The following EFTUD2 variants were observed in gnomAD, a reference collection of about 807,000 sequenced individuals.
EFTUD2 encodes 116 kDa U5 small nuclear ribonucleoprotein component.
In EFTUD2, 9 loss-of-function variants were observed where a neutral mutation model predicts 114.3. That is an observed-to-expected ratio of 0.08 (90% CI 0.05 to 0.14). The LOEUF is 0.14. Among genes scored for constraint, EFTUD2 ranks in the 10% least tolerant of loss-of-function variants. The pLI is 1.00. For missense variants in EFTUD2, 765 were observed against 1,241.2 expected (o/e 0.62, Z 5.76); for synonymous variants, 449 against 462.3 (o/e 0.97, Z 0.37).
chr17:44,881,789 C>T, intron 6 of EFTUD2, 67 bp from the exon 7 acceptor site: 1 of 1,403,946 alleles, frequency 7.1e-7, no homozygotes, highest in Non-Finnish European at 1.0e-6. Flanking sequence ...AACCATCAAT[C>T]ACTTTCCCTC....
intron 11 of EFTUD2, 135 bp from the exon 12 acceptor site, chr17:44,868,485 CAG>C (rs2050790438): frequency 3.9e-6 from 3 of 769,414 alleles, no homozygotes; most frequent in Non-Finnish European, 6.2e-6. Flanking sequence ...TCCTTCTAAC[CAG>C]AGAGGAAAAC....
At chr17:44,852,316 CCTCACTTAGGG>C in intron 26 of EFTUD2, 82 bp downstream of exon 26, 1 of 1,527,376 alleles carries the variant, frequency 6.5e-7, no homozygotes, top group African/African-American at 1.4e-5. Context: ...ATGCTGTACA[CCTCACTTAGGG>C]CTTGGAGAGG....
At position 44,883,280 on chromosome 17, in the gene EFTUD2, G is replaced by A. The variant is rs1014655409; in HGVS notation, c.427-122C>T. On this transcript the variant is annotated intron_variant, in intron 5 of 27. Coordinates refer to ENST00000426333, the MANE Select transcript of EFTUD2 (RefSeq NM_004247.4). ...GGAGAGAAAAAGGAGAGCAAGGAGG[G>A]TTATGGGACAGCAAATAATTAACAC... 8.7e-5 allele frequency: 69 copies of A among 796,456 alleles called. 1 individual carries two copies. The South Asian group carries it at 1.2e-3, about 14-fold the overall frequency. The allele number at this position is 796,456 out of a possible 1,614,324, so 49.3% of individuals were successfully genotyped here.
At chr17:44,867,948 T>C in intron 12 of EFTUD2, 51 bp from the exon 13 acceptor site, 1 of 1,498,976 alleles carries the variant, frequency 6.7e-7, no homozygotes, top group Non-Finnish European at 9.0e-7. Flanking sequence ...GCACTATCAC[T>C]GATCCCAAGA....
intron 5 of EFTUD2, 149 bp from the exon 6 acceptor site, chr17:44,883,307 G>T: frequency 1.5e-6 from 1 of 654,722 alleles, no homozygotes. Flanking sequence ...AATTAACACT[G>T]AAGCCACAGG....
At chr17:44,885,382 A>G in intron 3 of EFTUD2, 48 bp from the exon 4 acceptor site, 1 of 1,252,894 alleles carries the variant, frequency 8.0e-7, no homozygotes, top group Non-Finnish European at 1.2e-6. Flanking sequence ...CATAAAACAT[A>G]AAAATACGGA....
At chr17:44,887,179 G>C (rs1446153129) in intron 2 of EFTUD2, among the ~76,000 whole-genome samples, 2 of 152,192 alleles carry the variant, frequency 1.3e-5, no homozygotes, top group Non-Finnish European at 2.9e-5. Flanking sequence ...AATAACAGGT[G>C]CTGGCAAGGA....
chr17:44,895,861 T>C (rs949810783), intron 1 of EFTUD2: 1 of 152,234 alleles, frequency 6.6e-6, no homozygotes, highest in South Asian at 2.1e-4. Flanking sequence ...TTGCATTTGG[T>C]TGTCATGTCT....
intron 14 of EFTUD2, 85 bp downstream of exon 14, chr17:44,864,845 C>A: frequency 1.9e-6 from 3 of 1,551,418 alleles, no homozygotes; most frequent in South Asian, 2.4e-5. Context: ...TTCTGACCTC[C>A]ATCGCTGGGT....
At chr17:44,855,717 G>A (rs1367036370) in intron 20 of EFTUD2, among the ~76,000 whole-genome samples, 2 of 152,112 alleles carry the variant, frequency 1.3e-5, no homozygotes, top group Non-Finnish European at 2.9e-5. Context: ...TTGGGAGGCT[G>A]AGGCAGGCAG....
chr17:44,852,283 C>T, intron 26 of EFTUD2, 126 bp downstream of exon 26: 1 of 1,224,334 alleles, frequency 8.2e-7, no homozygotes. Context: ...TATATGCTCC[C>T]CAGAGGAGGA....
chr17:44,859,231 G>A (rs748361920), intron 18 of EFTUD2, 50 bp from the exon 19 acceptor site: 23 of 1,350,404 alleles, frequency 1.7e-5, no homozygotes, highest in Non-Finnish European at 2.1e-5. Context: ...GCCAGCAAAG[G>A]CACACACAAA....
intron 4 of EFTUD2, chr17:44,884,068 A>G (rs1597820612): frequency 7.5e-6 from 2 of 267,946 alleles, no homozygotes; most frequent in Admixed American, 8.6e-5. Context: ...GGAGTTCAAG[A>G]CCAGCCTGGC....
chr17:44,895,588 T>C (rs72828810), intron 1 of EFTUD2, among the ~76,000 whole-genome samples: 3 of 151,710 alleles, frequency 2.0e-5, no homozygotes, highest in Non-Finnish European at 4.4e-5. Flanking sequence ...AATAGCAGAG[T>C]TGAATAGTTG....
chr17:44,851,417 T>C, intron 27 of EFTUD2, 48 bp from the exon 28 acceptor site: 1 of 1,477,574 alleles, frequency 6.8e-7, no homozygotes, highest in South Asian at 1.1e-5. Context: ...GGTCGCAGAC[T>C]AAGCAAGGAG....
At chr17:44,863,633 C>T in intron 15 of EFTUD2, 22 bp downstream of exon 15, 4 of 1,606,484 alleles carry the variant, frequency 2.5e-6, no homozygotes, top group Middle Eastern at 1.7e-4. Flanking sequence ...GACCAGAGAA[C>T]CGGGGAGCCA....
chr17:44,867,297 A>ATTT lies in EFTUD2; in HGVS notation c.1149+507_1149+509dup, dbSNP rs3058538. ...TTTCATACCTTTTCCCTTTCCTTTGATTTTTTTTTTTTTTTTTTTGGTGAC... is the reference window on the plus strand; with the variant it reads ...TTTCATACCTTTTCCCTTTCCTTTGATTTTTTTTTTTTTTTTTTTTTTGGTGAC... On this transcript the variant is annotated intron_variant, in intron 13 of 27. Coordinates refer to ENST00000426333, the MANE Select transcript of EFTUD2 (RefSeq NM_004247.4). Among the ~76,000 whole-genome samples the ATTT allele has an allele frequency of 3.2e-3, 384 of 121,310 alleles. 4 individuals are homozygous for ATTT. Among genetic ancestry groups the ATTT allele is most frequent in the African/African-American group, 6.8e-3 (217 of 31,724 alleles). 79.6% of individuals were successfully genotyped at this position (121,310 alleles called of 152,430 possible).
intron 20 of EFTUD2, among the ~76,000 whole-genome samples, chr17:44,855,912 A>G (rs1597790802): frequency 6.6e-6 from 1 of 151,682 alleles, no homozygotes; most frequent in African/African-American, 2.4e-5. Context: ...AGATCGAGCC[A>G]CTGCACTCCA....
In EFTUD2 at chr17:44,883,628, T is replaced by C. The variant is rs777969716; in HGVS notation, c.426+21A>G. ...TACAAAAGAGAAATCCTGTTCCAAG[T>C]AGCTGAAAGTTCCGTCTTACCTTGC... is the stretch of plus-strand genomic sequence containing the variant. On this transcript the variant is annotated intron_variant, in intron 5 of 27. Transcript: ENST00000426333. 5.0e-6 allele frequency: 8 copies of C among 1,608,160 alleles called. No homozygotes were observed. In the African/African-American group the frequency reaches 8.0e-5, roughly 16 times the overall value.
Sources: gnomAD v4.1 joint callset for allele counts (sites outside exome capture counted in the v4.1 genomes callset) on GRCh38, gnomAD v4.1.1 for gene constraint, MANE v1.5 for transcripts, NCBI Gene and HGNC (gene_info 2026-07-23, HGNC 2026-07-21) for gene names.